The following MAML2 variants were observed in gnomAD, a reference collection of about 807,000 sequenced individuals.
The protein encoded by MAML2 is mastermind-like protein 2.
In MAML2, 22 loss-of-function variants were observed where a neutral mutation model predicts 96.1. That is an observed-to-expected ratio of 0.23 (90% CI 0.16 to 0.33). The LOEUF is 0.33. MAML2 is among the 10% of genes least tolerant of loss of function. The probability of loss-of-function intolerance (pLI) is 1.00; values close to 1 mark genes in which losing one functional copy is unlikely to be tolerated. For missense variants in MAML2, 1,367 were observed against 1,392.4 expected, an observed-to-expected ratio of 0.98 and a Z score of 0.29; for synonymous variants, 561 against 521.3, an observed-to-expected ratio of 1.08 and a Z score of -1.04.
chr11:96,291,858 C>A (rs1863217372), intron 1 of MAML2, among the ~76,000 whole-genome samples: 1 of 152,112 alleles, frequency 6.6e-6, no homozygotes, highest in African/African-American at 2.4e-5. Flanking sequence ...ATGTATATCA[C>A]CTTTGCCCAG....
At chr11:96,016,176 G>A (rs1176815942) in intron 2 of MAML2, among the ~76,000 whole-genome samples, 5 of 146,174 alleles carry the variant, frequency 3.4e-5, no homozygotes, top group African/African-American at 1.0e-4. Flanking sequence ...AGACTGTTTG[G>A]TTCAGTGAAC....
intron 1 of MAML2, among the ~76,000 whole-genome samples, chr11:96,168,225 G>A (rs1292893787): frequency 6.6e-6 from 1 of 152,188 alleles, no homozygotes; most frequent in Non-Finnish European, 1.5e-5. Context: ...AGGATCAAAG[G>A]AGTTAATTTA....
chr11:96,309,710 T>C (rs1863511269), intron 1 of MAML2, among the ~76,000 whole-genome samples: 2 of 151,378 alleles, frequency 1.3e-5, no homozygotes, highest in Admixed American at 6.6e-5. Flanking sequence ...TTTTTTTTTT[T>C]TTTCTGAGAC....
At chr11:96,137,404 A>G (rs1476767600) in intron 1 of MAML2, among the ~76,000 whole-genome samples, 1 of 152,212 alleles carries the variant, frequency 6.6e-6, no homozygotes, top group African/African-American at 2.4e-5. Context: ...AGCAAATCTG[A>G]CTAGTTTAGA....
At chr11:96,183,778 CAG>C (rs764045113) in intron 1 of MAML2, among the ~76,000 whole-genome samples, 26 of 152,290 alleles carry the variant, frequency 1.7e-4, no homozygotes, top group Admixed American at 7.2e-4. Flanking sequence ...GAAGAAATTA[CAG>C]AGTTCCACAT....
At chr11:96,078,405 G>A (rs1257666395) in intron 2 of MAML2, among the ~76,000 whole-genome samples, 2 of 152,178 alleles carry the variant, frequency 1.3e-5, no homozygotes, top group Non-Finnish European at 2.9e-5. Context: ...GCTAGCAGGA[G>A]GACTTAATGC....
intron 1 of MAML2, among the ~76,000 whole-genome samples, chr11:96,330,675 T>TTG (rs1414317669): frequency 6.6e-6 from 1 of 152,222 alleles, no homozygotes; most frequent in Non-Finnish European, 1.5e-5. Context: ...ATGGCCTCAC[T>TTG]TGTGTGTGGG....
At chr11:95,987,851 A>G (rs1857851103) in intron 3 of MAML2, among the ~76,000 whole-genome samples, 1 of 152,208 alleles carries the variant, frequency 6.6e-6, no homozygotes, top group African/African-American at 2.4e-5. Context: ...TCTTTTAAAC[A>G]TGGGTTTACA....
At chr11:96,093,903 G>A (rs866474677) in intron 1 of MAML2, among the ~76,000 whole-genome samples, 9 of 152,122 alleles carry the variant, frequency 5.9e-5, no homozygotes, top group Admixed American at 1.3e-4. Context: ...ACAACTCCTC[G>A]CAGCTACAGA....
chr11:95,992,521 A>G (rs1857929241), intron 2 of MAML2, among the ~76,000 whole-genome samples: 1 of 152,208 alleles, frequency 6.6e-6, no homozygotes, highest in African/African-American at 2.4e-5. Flanking sequence ...TTAATTCCCA[A>G]TGATGTATTT....
Position 96,077,217 on chromosome 11 carries a change from C to CCCTTT in MAML2, c.2139+14674_2139+14675insAAAGG, listed in dbSNP as rs558743001. 5.2e-4 allele frequency among the ~76,000 whole-genome samples: 20 copies of CCCTTT among 38,518 alleles called. No individual in the cohort carries two copies. In the South Asian group the frequency reaches 8.9e-3, roughly 17 times the overall value. 25.3% of individuals were successfully genotyped at this position (38,518 alleles called of 152,430 possible). On this transcript the variant is annotated intron_variant, in intron 2 of 4. Coordinates refer to ENST00000524717, the MANE Select transcript of MAML2 (RefSeq NM_032427.4). ...CTGACTTTTTACCCCAACTCTCTCT[C>CCCTTT]TCTTTTTTTTTTTTTTTTTTTTAAA... is the stretch of plus-strand genomic sequence containing the variant.
intron 1 of MAML2, among the ~76,000 whole-genome samples, chr11:96,116,850 T>C (rs754417162): frequency 2.0e-5 from 3 of 152,180 alleles, no homozygotes; most frequent in Non-Finnish European, 4.4e-5. Flanking sequence ...TATAGTAGCC[T>C]GTAAGAGAAA....
chr11:96,132,917 T>C (rs1860569215), intron 1 of MAML2, among the ~76,000 whole-genome samples: 1 of 152,252 alleles, frequency 6.6e-6, no homozygotes, highest in Non-Finnish European at 1.5e-5. Context: ...AACATTTATA[T>C]TAAATTCTGT....
Position 96,017,430 on chromosome 11 carries a change from C to G in MAML2, c.2140-25707G>C, listed in dbSNP as rs116612842. On this transcript the variant is annotated intron_variant, in intron 2 of 4. Coordinates refer to ENST00000524717, the MANE Select transcript of MAML2 (RefSeq NM_032427.4). ...CCCTCCCTTCCTTCCTTCCATAAAA[C>G]AAATACATTTGCATTCCTACTGTGC... Among the ~76,000 whole-genome samples the G allele has an allele frequency of 2.7e-3, 315 of 118,464 alleles. 1 individual carries two copies. The highest frequency in any genetic ancestry group is 9.5e-3 in the African/African-American group (302 of 31,872). 77.7% of individuals were successfully genotyped at this position (118,464 alleles called of 152,430 possible).
intron 2 of MAML2, among the ~76,000 whole-genome samples, chr11:96,026,252 C>A (rs1858515712): frequency 6.6e-6 from 1 of 152,218 alleles, no homozygotes; most frequent in Admixed American, 6.5e-5. Flanking sequence ...CAGCAGTATA[C>A]CTGCAGCCCT....
At chr11:96,300,344 G>A (rs2135997839) in intron 1 of MAML2, among the ~76,000 whole-genome samples, 1 of 152,334 alleles carries the variant, frequency 6.6e-6, no homozygotes, top group Non-Finnish European at 1.5e-5. Context: ...TCAGAGCCTG[G>A]AAGTGACCTG....
At chr11:96,294,166 A>G (rs547237535) in intron 1 of MAML2, among the ~76,000 whole-genome samples, 1 of 152,332 alleles carries the variant, frequency 6.6e-6, no homozygotes, top group South Asian at 2.1e-4. Flanking sequence ...AAAAATAAGT[A>G]CATCATAAAG....
rs993649300 is a variant in MAML2, at chr11:96,008,065, A to G, written c.2140-16342T>C. On this transcript the variant is annotated intron_variant, in intron 2 of 4. Coordinates refer to ENST00000524717, the MANE Select transcript of MAML2 (RefSeq NM_032427.4). ...TTTTTCAGTGAAATGACGAATATCA[A>G]TATTACATATCATATAACAACATGT... 5.3e-5 allele frequency among the ~76,000 whole-genome samples: 8 copies of G among 152,228 alleles called. No homozygotes were observed. The South Asian group carries it at 6.2e-4, about 12-fold the overall frequency.
chr11:96,138,987 T>C (rs1020062512), intron 1 of MAML2, among the ~76,000 whole-genome samples: 2 of 152,194 alleles, frequency 1.3e-5, no homozygotes, highest in Non-Finnish European at 2.9e-5. Flanking sequence ...ATATGAAAAG[T>C]CACTAGTTAT....
Sources: allele counts gnomAD v4.1 joint callset (sites outside exome capture counted in the v4.1 genomes callset), GRCh38; gene constraint gnomAD v4.1.1; transcripts MANE v1.5; gene names NCBI Gene and HGNC (gene_info 2026-07-23, HGNC 2026-07-21).